The following NIN variants were observed in gnomAD, a reference collection of about 807,000 sequenced individuals.
The protein encoded by NIN is ninein, also known as glycogen synthase kinase 3 beta-interacting protein.
A neutral mutation model predicts 257.6 loss-of-function variants in NIN; 137 were observed. The observed-to-expected ratio is 0.53, with a 90% CI of 0.46 to 0.61. The LOEUF (loss-of-function observed/expected upper bound fraction) is 0.61. NIN is among the 20% of genes least tolerant of loss of function. The pLI, the probability that NIN is intolerant of heterozygous loss-of-function variation, is 0.00. For synonymous variants in NIN, 918 were observed against 919.8 expected (o/e 1.00, Z 0.04); for missense variants, 2,439 against 2,501.2 (o/e 0.98, Z 0.53).
At chr14:50,745,108 C>T (rs1015944146) in intron 22 of NIN, among the ~76,000 whole-genome samples, 2 of 152,168 alleles carry the variant, frequency 1.3e-5, no homozygotes, top group African/African-American at 4.8e-5. Flanking sequence ...TTCCTCTCCA[C>T]TTCATGAAAT....
chr14:50,728,741 G>A (rs2040538676), intron 29 of NIN, among the ~76,000 whole-genome samples: 1 of 152,240 alleles, frequency 6.6e-6, no homozygotes, highest in Non-Finnish European at 1.5e-5. Flanking sequence ...GAGAAAGGAT[G>A]ATGAATGAAG....
chr14:50,773,218 C>A, intron 7 of NIN, 123 bp from the exon 8 acceptor site: 1 of 612,974 alleles, frequency 1.6e-6, no homozygotes, highest in Non-Finnish European at 2.7e-6. Context: ...ATAATTATGC[C>A]CCTTTATTCT....
chr14:50,765,087 A>T (rs1422737352), intron 14 of NIN, among the ~76,000 whole-genome samples: 6 of 147,746 alleles, frequency 4.1e-5, no homozygotes, highest in Non-Finnish European at 6.0e-5. Context: ...AAAAAAAAAA[A>T]AAAAATTAGG....
At chr14:50,808,523 A>C (rs2044436147) in intron 3 of NIN, among the ~76,000 whole-genome samples, 1 of 152,306 alleles carries the variant, frequency 6.6e-6, no homozygotes, top group African/African-American at 2.4e-5. Context: ...TGAATTGGAG[A>C]CATTACGAAG....
chr14:50,753,280 A>C (rs934873647), intron 20 of NIN, among the ~76,000 whole-genome samples: 8 of 152,160 alleles, frequency 5.3e-5, no homozygotes, highest in African/African-American at 1.9e-4. Context: ...TGTGCCTGTA[A>C]TCCCAGCTAT....
At chr14:50,735,912 A>AT (rs1471125724) in intron 27 of NIN, among the ~76,000 whole-genome samples, 2 of 152,196 alleles carry the variant, frequency 1.3e-5, no homozygotes, top group Non-Finnish European at 2.9e-5. Context: ...ACACCCACAC[A>AT]TATGTACAGT....
chr14:50,730,442 T>C (rs1226006029), intron 28 of NIN, among the ~76,000 whole-genome samples: 1 of 152,126 alleles, frequency 6.6e-6, no homozygotes, highest in Non-Finnish European at 1.5e-5. Flanking sequence ...CCACCTCACA[T>C]CTATACACAC....
At chr14:50,817,789 C>T (rs1302109777) in intron 3 of NIN, among the ~76,000 whole-genome samples, 1 of 152,122 alleles carries the variant, frequency 6.6e-6, no homozygotes, top group Non-Finnish European at 1.5e-5. Context: ...GATCTCGGCC[C>T]ACTGCAACCT....
chr14:50,811,822 G>A (rs547335597), intron 3 of NIN, among the ~76,000 whole-genome samples: 10 of 151,878 alleles, frequency 6.6e-5, no homozygotes, highest in African/African-American at 1.9e-4. Context: ...GTGAAACCCC[G>A]TCTCTATTAA....
chr14:50,720,777 G>A lies in NIN; in HGVS notation c.*2686C>T, dbSNP rs1480555315. 1 of 202,594 alleles carries A rather than the reference G, an allele frequency of 4.9e-6. No homozygotes were observed. The highest frequency in any genetic ancestry group is 7.6e-5 in the East Asian group (1 of 13,086). 12.5% of individuals were successfully genotyped at this position (202,594 alleles called of 1,614,324 possible). A position where few individuals can be genotyped will look rare whatever the true frequency, so the allele number is the denominator to read the frequency against. ...AGAGTACAATAGGATGAGAGAGGTG[G>A]GTTTTACTATCCACATTTTCCTTTT... On this transcript the variant is annotated 3_prime_UTR_variant, in exon 31 of 31. Transcript: ENST00000530997.
chr14:50,739,764 G>A (rs1485381916), intron 25 of NIN, among the ~76,000 whole-genome samples: 1 of 152,218 alleles, frequency 6.6e-6, no homozygotes, highest in Non-Finnish European at 1.5e-5. Context: ...TGACTGTAGG[G>A]CAAGGCCCAG....
At chr14:50,729,369 A>G (rs2040576721) in intron 29 of NIN, among the ~76,000 whole-genome samples, 154 bp downstream of exon 29, 1 of 152,108 alleles carries the variant, frequency 6.6e-6, no homozygotes, top group Non-Finnish European at 1.5e-5. Flanking sequence ...CTCTGGCCTC[A>G]AGCGATCCTC....
chr14:50,822,242 G>C (rs1215732008), intron 2 of NIN, among the ~76,000 whole-genome samples, 165 bp from the exon 3 acceptor site: 1 of 152,152 alleles, frequency 6.6e-6, no homozygotes, highest in African/African-American at 2.4e-5. Flanking sequence ...GTCTCTGTAG[G>C]ACCAGCCCTG....
chr14:50,817,078 T>C (rs1291822542), intron 3 of NIN, among the ~76,000 whole-genome samples: 3 of 152,212 alleles, frequency 2.0e-5, no homozygotes, highest in Non-Finnish European at 4.4e-5. Context: ...CAAGTCTACA[T>C]ATGCAAAAAA....
At chr14:50,729,796 A>T in intron 28 of NIN, 73 bp from the exon 29 acceptor site, 1 of 1,193,724 alleles carries the variant, frequency 8.4e-7, no homozygotes, top group Non-Finnish European at 1.2e-6. Flanking sequence ...GGTGTCAGGC[A>T]GTGAGTAATG....
chr14:50,748,143 A>G (rs1180565048), intron 21 of NIN, 38 bp from the exon 22 acceptor site: 1 of 1,403,480 alleles, frequency 7.1e-7, no homozygotes, highest in Non-Finnish European at 1.0e-6. Flanking sequence ...ACAGACATAC[A>G]TATTTAGGCT....
In NIN at chr14:50,758,070, A is replaced by G; in HGVS notation, c.2960T>C (p.Leu987Pro). 1 of 1,614,150 alleles carries G rather than the reference A, an allele frequency of 6.2e-7. No individual in the cohort carries two copies. Among genetic ancestry groups the G allele is most frequent in the South Asian group, 1.1e-5 (1 of 91,084 alleles). Residue 987 changes from leucine (L) to proline (P), a missense_variant, in exon 18 of 31, where the codon CTT (leucine) becomes CCT (proline). By Grantham distance (98) the Leu-to-Pro change is moderately conservative. Coordinates refer to ENST00000530997, the MANE Select transcript of NIN (RefSeq NM_020921.4). ...DQERQEMMSK[L>P]LAMENIHKAT... The stretch of plus-strand genomic sequence containing the variant: ...TTTGTGAATGTTCTCCATGGCTAGA[A>G]GCTTGGACATCATTTCCTGCCTTTC...
chr14:50,757,800 G>A lies in NIN; in HGVS notation c.3230C>T (p.Ala1077Val). The change falls in exon 18 of 31, where the codon GCA becomes GTA. Residue 1077 changes from alanine (A) to valine (V), a missense_variant. Ala to Val is a moderately conservative substitution (Grantham distance 64, BLOSUM62 0). Transcript: ENST00000530997. ...LLSLQRAHEQ[A>V]VKENVKMATE... ...AGCCATTTTCACATTTTCCTTCACT[G>A]CCTGTTCATGAGCTCTCTGCAGGCT... The A allele has an allele frequency of 6.2e-7, 1 of 1,614,048 alleles. No homozygotes were observed. Among genetic ancestry groups the A allele is most frequent in the Non-Finnish European group, 8.5e-7 (1 of 1,180,024 alleles).
At chr14:50,777,259 A>G (rs1252960504) in intron 6 of NIN, 120 bp from the exon 7 acceptor site, 2 of 771,750 alleles carry the variant, frequency 2.6e-6, no homozygotes, top group East Asian at 5.3e-5. Context: ...ATAAATGTCA[A>G]TTCCATTTTG....
Sources: gnomAD v4.1 joint callset for allele counts (sites outside exome capture counted in the v4.1 genomes callset) on GRCh38, gnomAD v4.1.1 for gene constraint, MANE v1.5 for transcripts, NCBI Gene and HGNC (gene_info 2026-07-23, HGNC 2026-07-21) for gene names.